Variants in CPAMD8 observed in about 807,000 individuals in gnomAD.
The protein encoded by CPAMD8 is C3 and PZP-like alpha-2-macroglobulin domain-containing protein 8.
A neutral mutation model predicts 224.7 loss-of-function variants in CPAMD8; 146 were observed. The ratio of observed to expected loss-of-function variants is 0.65; its 90% CI spans 0.57 to 0.75. The LOEUF is 0.75. Ranked by LOEUF, CPAMD8 falls within the 30% of genes least tolerant of loss-of-function variation. CPAMD8 has a pLI of 0.00. For missense variants in CPAMD8, 2,301 were observed against 2,537.5 expected (o/e 0.91, Z 2.00); for synonymous variants, 966 against 1,044.6 (o/e 0.92, Z 1.45).
Position 16,929,025 on chromosome 19 carries a change from C to T in CPAMD8, c.3061G>A (p.Val1021Met), listed in dbSNP as rs369793762. The change falls in exon 24 of 42, where the codon GTG (valine) becomes ATG (methionine). Residue 1021 changes from valine to methionine, a missense_variant. This residue lies in a region of CPAMD8 where 1,709 missense variants were observed against 1,753.2 expected (regional missense o/e 0.97). Transcript: ENST00000443236. ...ATCTTGGCCGTGTGTGCACTGGCCACGGGCTCTCCCATCTTGCTGGTGGAG... is the reference window on the plus strand; with the variant it reads ...ATCTTGGCCGTGTGTGCACTGGCCATGGGCTCTCCCATCTTGCTGGTGGAG... ...WISTSKMGEP[V>M]ASAHTAKILS... 58 of 1,613,754 alleles carry T rather than the reference C, an allele frequency of 3.6e-5. No homozygotes were observed. In the Middle Eastern group the frequency reaches 2.6e-3, roughly 73 times the overall value.
At chr19:16,907,307 CTTTTTTT>C (rs71334641) in intron 29 of CPAMD8, among the ~76,000 whole-genome samples, 190 bp from the exon 30 acceptor site, 2 of 81,072 alleles carry the variant, frequency 2.5e-5, no homozygotes, top group East Asian at 6.5e-4. Context: ...TCTTTCTTGC[CTTTTTTT>C]TTTTTTTTTT....
rs200625125 is a variant in CPAMD8 at position 16,975,331 on chromosome 19, G to A, written c.1909-73C>T. ...AACCCAAACTGGCTCCCGTGGGTGTGGCATGCTCCCATCCCAACCTCTTTA... is the reference window on the plus strand; with the variant it reads ...AACCCAAACTGGCTCCCGTGGGTGTAGCATGCTCCCATCCCAACCTCTTTA... On this transcript the variant is annotated intron_variant, in intron 16 of 41. Transcript: ENST00000443236. The A allele has an allele frequency of 4.1e-6, 5 of 1,230,422 alleles. No individual in the cohort carries two copies. In the East Asian group the frequency reaches 7.6e-5, roughly 19 times the overall value. The allele number at this position is 1,230,422 out of a possible 1,614,324, so 76.2% of individuals were successfully genotyped here.
chr19:16,955,030 A>G (rs1167500355), intron 19 of CPAMD8, among the ~76,000 whole-genome samples: 1 of 152,234 alleles, frequency 6.6e-6, no homozygotes, highest in African/African-American at 2.4e-5. Flanking sequence ...CAGGAGGCTG[A>G]GGCAGGAGAA....
At chr19:16,901,426 G>A in intron 35 of CPAMD8, 129 bp from the exon 36 acceptor site, 1 of 692,626 alleles carries the variant, frequency 1.4e-6, no homozygotes, top group Non-Finnish European at 2.6e-6. Context: ...TGGCCGGCAG[G>A]CCAACAGCAC....
At chr19:16,938,483 C>T (rs746122260) in intron 22 of CPAMD8, 37 bp from the exon 23 acceptor site, 43 of 1,324,702 alleles carry the variant, frequency 3.2e-5, no homozygotes, top group South Asian at 2.9e-4. Context: ...AGTGCTGGGG[C>T]GGTGAGGGGG....
intron 8 of CPAMD8, among the ~76,000 whole-genome samples, chr19:17,002,910 CT>C (rs34659000): frequency 5.9e-5 from 8 of 134,484 alleles, no homozygotes; most frequent in Non-Finnish European, 7.7e-5. Flanking sequence ...CTTTTCTTTT[CT>C]TTTTTTTTTT....
intron 26 of CPAMD8, among the ~76,000 whole-genome samples, chr19:16,922,560 T>C (rs773920): frequency 0.61 from 89,399 of 147,152 alleles, 26,803 homozygotes; most frequent in Middle Eastern, 0.68. Context: ...AACTGCCCCA[T>C]ACCCACAGCA....
intron 1 of CPAMD8, 61 bp downstream of exon 1, chr19:17,026,490 A>G: frequency 1.4e-6 from 2 of 1,437,110 alleles, no homozygotes; most frequent in South Asian, 1.4e-5. Context: ...ACTCTGAGCC[A>G]GTACCCGCGA....
At chr19:16,904,386 G>C (rs1285297001) in intron 31 of CPAMD8, 24 bp from the exon 32 acceptor site, 3 of 1,613,884 alleles carry the variant, frequency 1.9e-6, no homozygotes, top group East Asian at 2.2e-5. Flanking sequence ...GGCCCACTGG[G>C]GACTTTTGAC....
At chr19:16,998,396 G>C (rs1218147673) in intron 10 of CPAMD8, among the ~76,000 whole-genome samples, 2 of 152,182 alleles carry the variant, frequency 1.3e-5, no homozygotes, top group African/African-American at 2.4e-5. Flanking sequence ...GGAGGCAGAG[G>C]CTGCAGTGAT....
chr19:16,937,065 C>G (rs181950774), intron 23 of CPAMD8, among the ~76,000 whole-genome samples: 1,578 of 143,926 alleles, frequency 0.011, 7 homozygotes, highest in Non-Finnish European at 0.017. Flanking sequence ...TCCCTCCTGC[C>G]TTCCTTCCTT....
At chr19:16,906,681 G>A (rs1230567918) in intron 30 of CPAMD8, among the ~76,000 whole-genome samples, 4 of 151,914 alleles carry the variant, frequency 2.6e-5, no homozygotes, top group African/African-American at 4.8e-5. Context: ...GTGAGCCACC[G>A]CGCCTGGTCG....
At chr19:16,981,705 T>G (rs1207287615) in intron 13 of CPAMD8, among the ~76,000 whole-genome samples, 2 of 152,222 alleles carry the variant, frequency 1.3e-5, no homozygotes, top group Non-Finnish European at 2.9e-5. Context: ...ATCCCGCCTC[T>G]GTTCCATGTT....
intron 29 of CPAMD8, among the ~76,000 whole-genome samples, chr19:16,911,581 T>C (rs2052730026): frequency 6.7e-6 from 1 of 148,802 alleles, no homozygotes; most frequent in Non-Finnish European, 1.5e-5. Flanking sequence ...AGTCTGGCAC[T>C]CTTGCCCGGG....
intron 23 of CPAMD8, among the ~76,000 whole-genome samples, chr19:16,937,063 GCCTT>G (rs34510069): frequency 9.5e-4 from 125 of 132,158 alleles, no homozygotes; most frequent in East Asian, 4.3e-3. Context: ...CTTCCCTCCT[GCCTT>G]CCTTCCTTCC....
rs1240081106 is a variant in CPAMD8 at position 16,927,945 on chromosome 19, C to CTGGA, written c.3370+60_3370+63dup. The CTGGA allele has an allele frequency of 3.3e-6, 4 of 1,197,196 alleles. No homozygotes were observed. In the African/African-American group the frequency reaches 6.0e-5, roughly 18 times the overall value. 74.2% of individuals were successfully genotyped at this position (1,197,196 alleles called of 1,614,324 possible). On this transcript the variant is annotated intron_variant, in intron 25 of 41. Coordinates refer to ENST00000443236, the MANE Select transcript of CPAMD8 (RefSeq NM_015692.5). ...AGCAAAGCCCAGCTTGAGACTAAGC[C>CTGGA]TGGAGTCTCAACTTCGGCTCTTGCC...
At chr19:16,985,779 G>A (rs533194406) in intron 13 of CPAMD8, among the ~76,000 whole-genome samples, 38 of 151,276 alleles carry the variant, frequency 2.5e-4, no homozygotes, top group African/African-American at 8.7e-4. Context: ...ATGAATGGAG[G>A]GAGAGAGGAT....
At chr19:16,952,432 C>T (rs1184705341) in intron 19 of CPAMD8, among the ~76,000 whole-genome samples, 2 of 152,204 alleles carry the variant, frequency 1.3e-5, no homozygotes, top group Non-Finnish European at 2.9e-5. Flanking sequence ...AATACCAGCA[C>T]TCTGAGAGGC....
At position 17,005,668 on chromosome 19, in the gene CPAMD8, T is replaced by C. The variant is rs150450797; in HGVS notation, c.560-1282A>G. On this transcript the variant is annotated intron_variant, in intron 7 of 41. Coordinates refer to ENST00000443236, the MANE Select transcript of CPAMD8 (RefSeq NM_015692.5). Reference sequence around the variant, plus strand: ...CCCAATGATCATATGGGGAGGGCCATACAGGGAAGGGACAGGGAGAGTGGT... The same window carrying C: ...CCCAATGATCATATGGGGAGGGCCACACAGGGAAGGGACAGGGAGAGTGGT... Among the ~76,000 whole-genome samples the C allele has an allele frequency of 8.5e-5, 13 of 152,182 alleles. No homozygotes were observed. In the East Asian group the frequency reaches 2.5e-3, roughly 29 times the overall value.
Sources: allele counts gnomAD v4.1 joint callset (sites outside exome capture counted in the v4.1 genomes callset), GRCh38; gene constraint gnomAD v4.1.1; regional missense constraint gnomAD v4.1.1; transcripts MANE v1.5; gene names NCBI Gene and HGNC (gene_info 2026-07-23, HGNC 2026-07-21).